The following ZC3H14 variants were observed in gnomAD, a reference collection of about 807,000 sequenced individuals.
The protein encoded by ZC3H14 is zinc finger CCCH domain-containing protein 14.
Under a neutral mutation model 92.4 loss-of-function variants are expected in ZC3H14, and 31 were observed. The observed-to-expected ratio is 0.34, with a 90% CI of 0.25 to 0.45. The LOEUF (loss-of-function observed/expected upper bound fraction) is 0.45. Ranked by LOEUF, ZC3H14 falls within the 20% of genes least tolerant of loss-of-function variation. ZC3H14 has a pLI of 1.00. For missense variants in ZC3H14, 781 were observed against 897.3 expected (o/e 0.87, Z 1.66); for synonymous variants, 321 against 300.9 (o/e 1.07, Z -0.69).
At chr14:88,594,420 A>G in intron 9 of ZC3H14, 18 of 1,180,542 alleles carry the variant, frequency 1.5e-5, no homozygotes, top group Non-Finnish European at 1.9e-5. Context: ...AAGAGGAGCT[A>G]TACAGATGGT....
At chr14:88,601,634 T>C (rs1344529034) in intron 10 of ZC3H14, among the ~76,000 whole-genome samples, 3 of 152,210 alleles carry the variant, frequency 2.0e-5, no homozygotes, top group Admixed American at 6.5e-5. Flanking sequence ...TTTAAGGGTA[T>C]ATTGTTAATA....
At position 88,572,916 on chromosome 14, in the gene ZC3H14, C is replaced by T; in HGVS notation, c.770C>T (p.Thr257Ile). ...LDMQSSWVYE[T>I]GRLCEPEVLN... The stretch of plus-strand genomic sequence containing the variant: ...ATGCAGAGTAGTTGGGTATATGAAA[C>T]AGGACGTTTGTGTGAACCAGAGGTG... The change falls in exon 6 of 17, where the codon ACA becomes ATA. Residue 257 changes from threonine (T) to isoleucine (I), a missense_variant. Physicochemically the swap from Thr to Ile is moderately conservative, Grantham distance 89. Transcript: ENST00000251038. The T allele has an allele frequency of 6.2e-7, 1 of 1,614,124 alleles. No homozygotes were observed. The highest frequency in any genetic ancestry group is 1.1e-5 in the South Asian group (1 of 91,082).
At chr14:88,609,895 A>G in intron 15 of ZC3H14, 92 bp downstream of exon 15, 2 of 1,380,504 alleles carry the variant, frequency 1.4e-6, no homozygotes, top group South Asian at 2.4e-5. Flanking sequence ...ACATTGGTGC[A>G]AAAGTAATTG....
Position 88,627,040 on chromosome 14 carries a change from T to G in ZC3H14, c.*15289T>G. 6.2e-7 allele frequency: 1 copy of G among 1,613,808 alleles called. No homozygotes were observed. The highest frequency in any genetic ancestry group is 1.3e-5 in the African/African-American group (1 of 75,028). On this transcript the variant is annotated 3_prime_UTR_variant, in exon 17 of 17. Transcript: ENST00000251038. ...ATTGTGACCAGCTCTGCTGGCAATT[T>G]TGGCACCTGACAAGATACAACAAAA... is the stretch of plus-strand genomic sequence containing the variant.
chr14:88,563,428 C>T (rs547939254), intron 1 of ZC3H14: 3 of 1,426,562 alleles, frequency 2.1e-6, no homozygotes, highest in East Asian at 5.3e-5. Flanking sequence ...CCGCGGCGCA[C>T]GGCGCCGCTT....
intron 6 of ZC3H14, 68 bp from the exon 7 acceptor site, chr14:88,574,625 A>G: frequency 1.3e-6 from 2 of 1,583,340 alleles, no homozygotes; most frequent in Non-Finnish European, 8.7e-7. Context: ...CTTAAAATGG[A>G]AACATTTTGT....
In ZC3H14 at chr14:88,623,979, C is replaced by G. The variant is rs774893989; in HGVS notation, c.*12228C>G. On this transcript the variant is annotated 3_prime_UTR_variant, in exon 17 of 17. Coordinates refer to ENST00000251038, the MANE Select transcript of ZC3H14 (RefSeq NM_024824.5). ...GTGCATTCTTCCTTTATGTAAAAGG[C>G]ACAAATTCTGCGCTTGTGTTTAATT... is the stretch of plus-strand genomic sequence containing the variant. 6.6e-6 allele frequency: 1 copy of G among 152,208 alleles called. No individual in the cohort carries two copies. Among genetic ancestry groups the G allele is most frequent in the East Asian group, 1.9e-4 (1 of 5,202 alleles). 9.4% of individuals were successfully genotyped at this position (152,208 alleles called of 1,614,324 possible).
At chr14:88,563,332 G>C in intron 1 of ZC3H14, 163 bp downstream of exon 1, 1 of 1,490,262 alleles carries the variant, frequency 6.7e-7, no homozygotes, top group Non-Finnish European at 8.9e-7. Flanking sequence ...TCGGCCCTGG[G>C]GACATTTGCG....
chr14:88,578,286 G>T (rs1350549905), intron 9 of ZC3H14, 146 bp downstream of exon 9: 1 of 1,263,536 alleles, frequency 7.9e-7, no homozygotes, highest in East Asian at 2.6e-5. Context: ...CCATGAGGAA[G>T]GTTCATACCA....
chr14:88,626,389 A>G lies in ZC3H14; in HGVS notation c.*14638A>G, dbSNP rs1024895069. 1 of 160,756 alleles carries G rather than the reference A, an allele frequency of 6.2e-6. No individual in the cohort carries two copies. The highest frequency in any genetic ancestry group is 2.4e-5 in the African/African-American group (1 of 41,564). The allele number at this position is 160,756 out of a possible 1,614,324, so 10.0% of individuals were successfully genotyped here. ...GTAAACCCAGCACTTTGGGAGGTCAAGATGGGAGGATCACATAGCTTAGGA... is the reference window on the plus strand; with the variant it reads ...GTAAACCCAGCACTTTGGGAGGTCAGGATGGGAGGATCACATAGCTTAGGA... On this transcript the variant is annotated 3_prime_UTR_variant, in exon 17 of 17. Transcript: ENST00000251038.
At chr14:88,569,022 A>G (rs973824832) in intron 3 of ZC3H14, among the ~76,000 whole-genome samples, 7 of 151,730 alleles carry the variant, frequency 4.6e-5, no homozygotes, top group Admixed American at 6.6e-5. Flanking sequence ...CTGAACTCCC[A>G]TGCCTGACTA....
At chr14:88,604,866 T>G (rs1366474610) in intron 12 of ZC3H14, among the ~76,000 whole-genome samples, 3 of 152,158 alleles carry the variant, frequency 2.0e-5, no homozygotes, top group Non-Finnish European at 2.9e-5. Context: ...AGTTCTGGGA[T>G]TACAGGTGTG....
intron 8 of ZC3H14, among the ~76,000 whole-genome samples, chr14:88,576,488 T>C (rs1276502544): frequency 1.3e-5 from 2 of 152,222 alleles, no homozygotes; most frequent in African/African-American, 4.8e-5. Flanking sequence ...ATAAAAGTAT[T>C]ACGTTTTCAA....
chr14:88,626,945 C>A lies in ZC3H14; in HGVS notation c.*15194C>A, dbSNP rs2090014138. The A allele has an allele frequency of 9.3e-6, 15 of 1,613,966 alleles. No individual in the cohort carries two copies. Among genetic ancestry groups the A allele is most frequent in the Non-Finnish European group, 1.2e-5 (14 of 1,179,868 alleles). On this transcript the variant is annotated 3_prime_UTR_variant, in exon 17 of 17. Coordinates refer to ENST00000251038, the MANE Select transcript of ZC3H14 (RefSeq NM_024824.5). ...CTTCCTGCCAGGGTCCAGAACTTCACATGTTTTACTCCCACTGAGACAAAC... is the reference window on the plus strand; with the variant it reads ...CTTCCTGCCAGGGTCCAGAACTTCAAATGTTTTACTCCCACTGAGACAAAC...
intron 1 of ZC3H14, chr14:88,563,392 A>C (rs1287535867): frequency 5.6e-6 from 8 of 1,438,212 alleles, no homozygotes; most frequent in Non-Finnish European, 7.2e-6. Flanking sequence ...ATGGAAGGAC[A>C]GGCGCAGGCC....
chr14:88,599,396 C>T (rs1198863027), intron 10 of ZC3H14, among the ~76,000 whole-genome samples: 1 of 152,172 alleles, frequency 6.6e-6, no homozygotes, highest in Non-Finnish European at 1.5e-5. Flanking sequence ...ATTGACATTT[C>T]TGTGGGCTTT....
rs186388065 is a variant in ZC3H14, at chr14:88,609,420, G to A, written c.2005+17G>A. On this transcript the variant is annotated intron_variant, in intron 14 of 16. Coordinates refer to ENST00000251038, the MANE Select transcript of ZC3H14 (RefSeq NM_024824.5). ...CAAAACCAGGTGAGTGAGTGACTGT[G>A]CTACTACATTTGGGTAAAAAATATA... 2.7e-4 allele frequency: 428 copies of A among 1,613,930 alleles called. 2 individuals are homozygous for A. In the African/African-American group the frequency reaches 5.3e-3, roughly 20 times the overall value.
chr14:88,597,088 C>G (rs868153488), intron 10 of ZC3H14, among the ~76,000 whole-genome samples: 7 of 152,096 alleles, frequency 4.6e-5, no homozygotes, highest in Admixed American at 2.0e-4. Flanking sequence ...CAGGAGTGAC[C>G]TGCGTTTCTG....
intron 9 of ZC3H14, among the ~76,000 whole-genome samples, chr14:88,578,758 A>C (rs570603497): frequency 3.4e-5 from 5 of 147,306 alleles, no homozygotes; most frequent in African/African-American, 1.3e-4. Context: ...CCTCGTGCCT[A>C]ACATACTTCA....
Sources: gnomAD v4.1 joint callset for allele counts (sites outside exome capture counted in the v4.1 genomes callset) on GRCh38, gnomAD v4.1.1 for gene constraint, MANE v1.5 for transcripts, NCBI Gene and HGNC (gene_info 2026-07-23, HGNC 2026-07-21) for gene names.